Variants in TRAPPC9 observed in about 807,000 individuals in gnomAD.
TRAPPC9 encodes the protein IKK2 binding protein.
In TRAPPC9, 83 loss-of-function variants were observed where a neutral mutation model predicts 124.0. That is an observed-to-expected ratio of 0.67 (90% CI 0.56 to 0.80). The LOEUF is 0.80. TRAPPC9 is among the 30% of genes least tolerant of loss of function. The pLI is 0.00. For missense variants in TRAPPC9, 1,302 were observed against 1,508.3 expected (o/e 0.86, Z 2.27); for synonymous variants, 638 against 617.5 (o/e 1.03, Z -0.49).
intron 21 of TRAPPC9, among the ~76,000 whole-genome samples, chr8:139,797,953 CT>C (rs898896867): frequency 2.6e-5 from 4 of 152,244 alleles, no homozygotes; most frequent in Non-Finnish European, 5.9e-5. Context: ...CTTCGTTCTT[CT>C]TTTTCAAGAT....
At chr8:139,820,007 CAAAAAAA>C (rs35064399) in intron 21 of TRAPPC9, among the ~76,000 whole-genome samples, 2 of 51,820 alleles carry the variant, frequency 3.9e-5, no homozygotes, top group Admixed American at 2.9e-4. Context: ...GACTCTGTCT[CAAAAAAA>C]AAAAAAAAAA....
chr8:140,334,649 CTAAA>C (rs61689098), intron 9 of TRAPPC9, among the ~76,000 whole-genome samples: 32,426 of 145,884 alleles, frequency 0.22, 4,034 homozygotes, highest in East Asian at 0.48. Context: ...GACTCTGTCA[CTAAA>C]TAAATAAATA....
chr8:140,252,628 TAAC>T lies in TRAPPC9; in HGVS notation c.2431+146_2431+148del. 1 of 837,158 alleles carries T rather than the reference TAAC, an allele frequency of 1.2e-6. No homozygotes were observed. Among genetic ancestry groups the T allele is most frequent in the Non-Finnish European group, 2.0e-6 (1 of 511,158 alleles). 51.9% of individuals were successfully genotyped at this position (837,158 alleles called of 1,614,324 possible). ...AGACACATACAGTAACACACTCTGT[TAAC>T]AAAGTGCCCAGGAGATGTCTCAGGC... On this transcript the variant is annotated intron_variant, in intron 16 of 22. Coordinates refer to ENST00000438773, the MANE Select transcript of TRAPPC9 (RefSeq NM_001160372.4). This position sits in a 1 kb window ranked among gnomAD's most constrained non-coding sequence, Gnocchi z 4.2.
At chr8:140,149,433 AAC>A (rs2061508437) in intron 17 of TRAPPC9, among the ~76,000 whole-genome samples, 1 of 152,176 alleles carries the variant, frequency 6.6e-6, no homozygotes, top group South Asian at 2.1e-4. Flanking sequence ...TAGCCTGGCC[AAC>A]ACAGTGAAAC....
intron 21 of TRAPPC9, among the ~76,000 whole-genome samples, chr8:139,881,875 G>A (rs377529355): frequency 5.3e-5 from 8 of 152,234 alleles, no homozygotes; most frequent in Admixed American, 2.6e-4. Flanking sequence ...ACTCCAGACC[G>A]CAGGGCCTCA....
intron 17 of TRAPPC9, among the ~76,000 whole-genome samples, chr8:140,069,719 T>A (rs1275076053): frequency 1.3e-5 from 2 of 151,988 alleles, no homozygotes; most frequent in African/African-American, 2.4e-5. Context: ...TGAGAGGGGA[T>A]GTATTAGGAG....
intron 19 of TRAPPC9, among the ~76,000 whole-genome samples, chr8:139,923,147 C>T (rs1245972544): frequency 6.6e-6 from 1 of 151,260 alleles, no homozygotes; most frequent in East Asian, 1.9e-4. Flanking sequence ...CTGAGGGACA[C>T]CGTGCCTAGG....
chr8:140,417,966 A>C (rs1588315628), intron 5 of TRAPPC9, among the ~76,000 whole-genome samples: 1 of 152,334 alleles, frequency 6.6e-6, no homozygotes, highest in South Asian at 2.1e-4. Context: ...CAGGAACAGA[A>C]AACCAAACAC....
chr8:140,284,155 G>A (rs545216082), intron 13 of TRAPPC9, 134 bp from the exon 14 acceptor site: 122 of 1,151,746 alleles, frequency 1.1e-4, no homozygotes, highest in Middle Eastern at 8.3e-4. Flanking sequence ...GCCCGCCGGC[G>A]CTCACCCACA....
intron 19 of TRAPPC9, among the ~76,000 whole-genome samples, chr8:139,941,751 G>C (rs1833935568): frequency 6.6e-6 from 1 of 152,190 alleles, no homozygotes. Context: ...CTCAGGGCAG[G>C]CTGGCCGAGC....
intron 21 of TRAPPC9, among the ~76,000 whole-genome samples, chr8:139,819,105 A>G (rs776993597): frequency 1.2e-4 from 18 of 152,204 alleles, no homozygotes; most frequent in Non-Finnish European, 2.2e-4. Flanking sequence ...CCTGAGCTCT[A>G]CCTCCTGTCA....
chr8:140,175,171 T>C (rs1433138740), intron 17 of TRAPPC9, among the ~76,000 whole-genome samples: 1 of 152,000 alleles, frequency 6.6e-6, no homozygotes, highest in Non-Finnish European at 1.5e-5. Context: ...ACTTACCATG[T>C]TTCTTTAGAA....
At chr8:140,379,151 G>A (rs184782773) in intron 7 of TRAPPC9, among the ~76,000 whole-genome samples, 310 of 151,030 alleles carry the variant, frequency 2.1e-3, no homozygotes, top group Admixed American at 4.0e-3. Flanking sequence ...GGCCCAGCCT[G>A]GTAACTGGGG....
intron 21 of TRAPPC9, among the ~76,000 whole-genome samples, chr8:139,826,197 AAGCC>A (rs1347941367): frequency 5.3e-5 from 8 of 152,136 alleles, no homozygotes; most frequent in Non-Finnish European, 7.4e-5. Context: ...GAGAGGCTAA[AAGCC>A]AGACTCTGGG....
At chr8:140,421,484 AC>A (rs1399503542) in intron 5 of TRAPPC9, among the ~76,000 whole-genome samples, 1 of 152,210 alleles carries the variant, frequency 6.6e-6, no homozygotes, top group East Asian at 1.9e-4. Context: ...GGAAGTCTTT[AC>A]AAAATTCCAG....
intron 6 of TRAPPC9, among the ~76,000 whole-genome samples, chr8:140,399,467 T>G (rs1325063719): frequency 6.6e-6 from 1 of 152,218 alleles, no homozygotes; most frequent in East Asian, 1.9e-4. Context: ...AACCCACCTC[T>G]TGCATCAGCA....
chr8:140,367,800 A>G (rs2068165541), intron 8 of TRAPPC9, among the ~76,000 whole-genome samples: 1 of 152,192 alleles, frequency 6.6e-6, no homozygotes, highest in South Asian at 2.1e-4. Flanking sequence ...TGGGGTGTTA[A>G]CAGTGGGGAA....
chr8:139,909,945 A>C (rs1831607772), intron 20 of TRAPPC9, among the ~76,000 whole-genome samples: 1 of 152,202 alleles, frequency 6.6e-6, no homozygotes. Flanking sequence ...CTCGCCCCCA[A>C]TCAATACTGC....
chr8:139,847,021 C>T (rs1827128843), intron 21 of TRAPPC9, among the ~76,000 whole-genome samples: 1 of 152,250 alleles, frequency 6.6e-6, no homozygotes, highest in Non-Finnish European at 1.5e-5. Flanking sequence ...TAAGAGATGA[C>T]TGTGTGCCGA....
Sources: allele counts gnomAD v4.1 joint callset (sites outside exome capture counted in the v4.1 genomes callset), GRCh38; gene constraint gnomAD v4.1.1; non-coding constraint Gnocchi (gnomAD v3.1); transcripts MANE v1.5; gene names NCBI Gene and HGNC (gene_info 2026-07-23, HGNC 2026-07-21).